The following RTEL1 variants were observed in gnomAD, a reference collection of about 807,000 sequenced individuals.
The protein encoded by RTEL1 is regulator of telomere elongation helicase 1, also known as regulator of telomere length.
RTEL1 carries 86 observed loss-of-function variants against 162.2 expected under a neutral mutation model. The ratio of observed to expected loss-of-function variants is 0.53; its 90% CI spans 0.45 to 0.63. RTEL1 has a LOEUF of 0.63. Ranked by LOEUF, RTEL1 falls within the 30% of genes least tolerant of loss-of-function variation. The pLI is 0.00. For synonymous variants in RTEL1, 958 were observed against 717.9 expected (o/e 1.33, Z -5.35); for missense variants, 1,941 against 1,750.2 (o/e 1.11, Z -1.95).
In RTEL1 at chr20:63,687,729, C is replaced by T. The variant is rs1024558517; in HGVS notation, c.1440C>T (p.Gly480=). 4 of 1,594,190 alleles carry T rather than the reference C, an allele frequency of 2.5e-6. No individual in the cohort carries two copies. The African/African-American group carries it at 5.4e-5, about 21-fold the overall frequency. Reference sequence around the variant, plus strand: ...TCCGCTCCCTCATCCTTACCAGCGGCACGCTGGCCCCGGTGTCCTCCTTTG... The same window carrying T: ...TCCGCTCCCTCATCCTTACCAGCGGTACGCTGGCCCCGGTGTCCTCCTTTG... ...QGVRSLILTS[G]TLAPVSSFAL... The change falls in exon 17 of 35, where the codon GGC becomes GGT. Residue 480 remains glycine (G), a synonymous_variant. Transcript: ENST00000360203.
chr20:63,677,917 C>T (rs1470237495), intron 10 of RTEL1, among the ~76,000 whole-genome samples: 12 of 95,220 alleles, frequency 1.3e-4, no homozygotes, highest in African/African-American at 3.5e-4. Flanking sequence ...TTGGCCTGCA[C>T]GGATTCTGTG....
intron 6 of RTEL1, among the ~76,000 whole-genome samples, chr20:63,663,796 C>G (rs534272381): frequency 6.6e-6 from 1 of 152,308 alleles, no homozygotes; most frequent in South Asian, 2.1e-4. Flanking sequence ...GCTTTCTGCA[C>G]TCACGTTTGC....
Position 63,685,560 on chromosome 20 carries a change from G to A in RTEL1, c.1229G>A (p.Gly410Asp). ...GTGGACCCCTCCGAGGGCAGCCCTG[G>A]TTCCCCAGCAGGGCTGGGGGCCTTA... ...FSVDPSEGSP[G>D]SPAGLGALQS... The change falls in exon 15 of 35, where the codon GGT becomes GAT. Residue 410 changes from glycine to aspartate, a missense_variant. Transcript: ENST00000360203. 6.2e-7 allele frequency: 1 copy of A among 1,612,622 alleles called. No homozygotes were observed. The highest frequency in any genetic ancestry group is 8.5e-7 in the Non-Finnish European group (1 of 1,179,872).
chr20:63,664,436 TACCTGGTGGGGATGCTGGGCCTGGG>T (rs1294762273), intron 6 of RTEL1, among the ~76,000 whole-genome samples: 9 of 151,716 alleles, frequency 5.9e-5, no homozygotes, highest in South Asian at 2.1e-4. Context: ...CTGGGCCTGG[TACCTGGTGGGGATGCTGGGCCTGGG>T]ACCTGGTGGG....
At chr20:63,662,337 G>C (rs1263934820) in intron 4 of RTEL1, 2 of 917,044 alleles carry the variant, frequency 2.2e-6, no homozygotes, top group Non-Finnish European at 3.4e-6. Context: ...CCAGTGGCAG[G>C]GTGCTGTGGA....
At chr20:63,685,653 T>G in intron 15 of RTEL1, 56 bp downstream of exon 15, 1 of 1,593,240 alleles carries the variant, frequency 6.3e-7, no homozygotes, top group Non-Finnish European at 8.5e-7. Context: ...CCGGCAGGGC[T>G]GGGGGCCTTA....
chr20:63,693,654 A>T (rs1601189922), intron 30 of RTEL1, among the ~76,000 whole-genome samples: 71 of 35,966 alleles, frequency 2.0e-3, no homozygotes, highest in East Asian at 4.2e-3. Flanking sequence ...CTCCACCTCC[A>T]CCACCACCTC....
chr20:63,686,142 C>T, intron 16 of RTEL1: 1 of 549,308 alleles, frequency 1.8e-6, no homozygotes, highest in South Asian at 2.0e-5. Context: ...CCAGGCCTCC[C>T]TGCTGGGACA....
chr20:63,693,566 C>CTCT, intron 30 of RTEL1, among the ~76,000 whole-genome samples: 1 of 129,724 alleles, frequency 7.7e-6, no homozygotes, highest in East Asian at 2.1e-4. Flanking sequence ...CCACCTCCAC[C>CTCT]ACCTCCACCT....
In RTEL1 at chr20:63,690,848, G is replaced by C; in HGVS notation, c.2457G>C (p.Glu819Asp). ...ACCCCGAGAGTAGCCTGTGTGTGGA[G>C]TATGAGCAGGAGCCAGTTCCTGCCC... ...AGDPESSLCVEYEQEPVPARQ... is the reference protein window; with the variant it reads ...AGDPESSLCVDYEQEPVPARQ... Residue 819 changes from glutamate to aspartate, a missense_variant, in exon 27 of 35, where the codon GAG becomes GAC. Physicochemically the swap from Glu to Asp is conservative, Grantham distance 45. Coordinates refer to ENST00000360203, the MANE Select transcript of RTEL1 (RefSeq NM_001283009.2). 1 of 1,605,616 alleles carries C rather than the reference G, an allele frequency of 6.2e-7. No individual in the cohort carries two copies. Among genetic ancestry groups the C allele is most frequent in the East Asian group, 2.2e-5 (1 of 44,736 alleles).
At position 63,687,708 on chromosome 20, in the gene RTEL1, C is replaced by G. The variant is rs117195545; in HGVS notation, c.1419C>G (p.Arg473=). 6.2e-7 allele frequency: 1 copy of G among 1,604,334 alleles called. No individual in the cohort carries two copies. Among genetic ancestry groups the G allele is most frequent in the Non-Finnish European group, 8.5e-7 (1 of 1,177,134 alleles). The change falls in exon 17 of 35, where the codon CGC becomes CGG. Residue 473 remains arginine, a synonymous_variant. Transcript: ENST00000360203. The part of the protein sequence containing the change: ...SMHELVRQGV[R]SLILTSGTLA... ...ACGAGCTGGTCCGCCAGGGCGTCCG[C>G]TCCCTCATCCTTACCAGCGGCACGC...
At position 63,694,814 on chromosome 20, in the gene RTEL1, C is replaced by G. The variant is rs573260461; in HGVS notation, c.3183C>G (p.Ser1061Arg). Residue 1061 changes from serine to arginine, a missense_variant, in exon 32 of 35, where the codon AGC becomes AGG. Transcript: ENST00000360203. ...GGAAGCAGGGCCAGCACGCCGTGAG[C>G]GCCTACCTGGCTGATGCCCGCAGGG... The part of the protein sequence containing the change: ...RAGKQGQHAV[S>R]AYLADARRAL... 6.2e-7 allele frequency: 1 copy of G among 1,612,340 alleles called. No individual in the cohort carries two copies. The highest frequency in any genetic ancestry group is 1.3e-5 in the African/African-American group (1 of 74,938).
At chr20:63,671,509 T>C (rs1282093440) in intron 8 of RTEL1, among the ~76,000 whole-genome samples, 1 of 151,402 alleles carries the variant, frequency 6.6e-6, no homozygotes, top group Non-Finnish European at 1.5e-5. Flanking sequence ...TGAGACGGGG[T>C]CTTGCTCTGT....
chr20:63,678,087 G>A, intron 10 of RTEL1, 58 bp from the exon 11 acceptor site: 1 of 1,601,614 alleles, frequency 6.2e-7, no homozygotes. Flanking sequence ...GTTCTCAAGG[G>A]CGGGGTTGTT....
intron 6 of RTEL1, among the ~76,000 whole-genome samples, chr20:63,663,845 G>C (rs574185473): frequency 6.6e-6 from 1 of 152,190 alleles, no homozygotes. Context: ...CCCTGAAGCT[G>C]CTCTTGTATT....
At chr20:63,685,917 G>A in intron 16 of RTEL1, 45 bp downstream of exon 16, 3 of 1,557,000 alleles carry the variant, frequency 1.9e-6, no homozygotes. Flanking sequence ...CGGGTGCAGT[G>A]CCCGGCACCA....
Position 63,695,616 on chromosome 20 carries a change from A to G in RTEL1, c.3788A>G (p.Gln1263Arg). 6.2e-7 allele frequency: 1 copy of G among 1,611,762 alleles called. No individual in the cohort carries two copies. Among genetic ancestry groups the G allele is most frequent in the Non-Finnish European group, 8.5e-7 (1 of 1,179,900 alleles). The stretch of plus-strand genomic sequence containing the variant: ...TTCCAGTGCCCTGCCTGTGACTTCC[A>G]GCGCTGCCAAGCCTGCTGGCAACGG... ...VPFQCPACDF[Q>R]RCQACWQRHL... Residue 1263 changes from glutamine (Q) to arginine (R), a missense_variant, in exon 34 of 35, where the codon CAG becomes CGG. By Grantham distance (43) the Gln-to-Arg change is conservative. Coordinates refer to ENST00000360203, the MANE Select transcript of RTEL1 (RefSeq NM_001283009.2).
intron 30 of RTEL1, among the ~76,000 whole-genome samples, chr20:63,693,651 T>A (rs553725137): frequency 0.19 from 424 of 2,254 alleles, no homozygotes; most frequent in South Asian, 0.25. Context: ...CACCTCCACC[T>A]CCACCACCAC....
chr20:63,690,495 T>TGGGGGGGGGGGGGGGGGGGGGGGG, intron 26 of RTEL1, 54 bp downstream of exon 26: 1 of 594,922 alleles, frequency 1.7e-6, no homozygotes, highest in Non-Finnish European at 2.7e-6. Flanking sequence ...GCGGGCGGCG[T>TGGGGGGGGGGGGGGGGGGGGGGGG]GGGGCGGGCA....
Sources: gnomAD v4.1 joint callset for allele counts (sites outside exome capture counted in the v4.1 genomes callset) on GRCh38, gnomAD v4.1.1 for gene constraint, MANE v1.5 for transcripts, NCBI Gene and HGNC (gene_info 2026-07-23, HGNC 2026-07-21) for gene names.